Variants in FRMD4A observed in about 807,000 individuals in gnomAD.
FRMD4A encodes FERM domain-containing protein 4A.
A neutral mutation model predicts 129.1 loss-of-function variants in FRMD4A; 29 were observed. That is an observed-to-expected ratio of 0.22 (90% CI 0.17 to 0.31). FRMD4A has a LOEUF of 0.31. FRMD4A is among the 10% of genes least tolerant of loss of function. The pLI is 1.00. For missense variants in FRMD4A, 1,272 were observed against 1,375.8 expected (o/e 0.92, Z 1.19); for synonymous variants, 634 against 571.6 (o/e 1.11, Z -1.56).
chr10:13,708,727 G>C (rs2087723345), intron 12 of FRMD4A, among the ~76,000 whole-genome samples: 1 of 152,214 alleles, frequency 6.6e-6, no homozygotes, highest in Admixed American at 6.5e-5. Flanking sequence ...CAGGTCTCAT[G>C]GTCCTGTCTG....
intron 3 of FRMD4A, among the ~76,000 whole-genome samples, chr10:13,822,555 A>C (rs2093645335): frequency 6.6e-6 from 1 of 152,196 alleles, no homozygotes; most frequent in South Asian, 2.1e-4. Flanking sequence ...TGGCATATGC[A>C]GTTGTTCTAC....
At chr10:14,097,586 T>A (rs978623302) in intron 2 of FRMD4A, among the ~76,000 whole-genome samples, 2 of 152,188 alleles carry the variant, frequency 1.3e-5, no homozygotes, top group Non-Finnish European at 2.9e-5. Flanking sequence ...AACTTTGGAC[T>A]GTTGGATTCC....
intron 2 of FRMD4A, among the ~76,000 whole-genome samples, chr10:14,234,616 G>C (rs1159727561): frequency 6.6e-6 from 1 of 152,190 alleles, no homozygotes; most frequent in African/African-American, 2.4e-5. Context: ...CTGTGACTAT[G>C]GTCTATGGAT....
chr10:13,689,217 G>GGGGGTGGGGGGGT (rs2085430434), intron 15 of FRMD4A, among the ~76,000 whole-genome samples: 1 of 75,614 alleles, frequency 1.3e-5, no homozygotes, highest in Non-Finnish European at 2.8e-5. Flanking sequence ...GGGGGGGGGG[G>GGGGGTGGGGGGGT]GGGAGGGCTA....
intron 3 of FRMD4A, among the ~76,000 whole-genome samples, chr10:13,849,361 A>G (rs765730417): frequency 2.0e-4 from 31 of 152,188 alleles, no homozygotes; most frequent in Non-Finnish European, 3.4e-4. Context: ...GCAGACCACA[A>G]TGAGCCCACC....
At chr10:13,840,802 A>C (rs2093952329) in intron 3 of FRMD4A, among the ~76,000 whole-genome samples, 15 of 148,268 alleles carry the variant, frequency 1.0e-4, no homozygotes, top group Admixed American at 9.5e-4. Flanking sequence ...AAAAAAAAAA[A>C]AAAAAAAAAA....
chr10:13,726,091 A>G (rs1411449127), intron 12 of FRMD4A, among the ~76,000 whole-genome samples: 1 of 152,224 alleles, frequency 6.6e-6, no homozygotes, highest in African/African-American at 2.4e-5. Flanking sequence ...CCTGGGCAAC[A>G]TGGCAAAACC....
chr10:14,141,937 T>TA (rs1349192117), intron 2 of FRMD4A, among the ~76,000 whole-genome samples: 2 of 152,124 alleles, frequency 1.3e-5, no homozygotes. Flanking sequence ...GTCGATAGCC[T>TA]AAAAAATCTC....
At chr10:14,291,255 CAATT>C (rs1444821983) in intron 2 of FRMD4A, among the ~76,000 whole-genome samples, 1 of 152,066 alleles carries the variant, frequency 6.6e-6, no homozygotes, top group Admixed American at 6.5e-5. Context: ...AATGACTTTC[CAATT>C]ATCTTACCAA....
intron 2 of FRMD4A, among the ~76,000 whole-genome samples, chr10:14,029,197 A>T (rs551640720): frequency 2.0e-4 from 31 of 151,592 alleles, no homozygotes; most frequent in Non-Finnish European, 3.4e-4. Flanking sequence ...TCTATGAAAC[A>T]TCTCCTCCAG....
chr10:14,305,138 A>C (rs757520609), intron 2 of FRMD4A, among the ~76,000 whole-genome samples: 13 of 152,210 alleles, frequency 8.5e-5, no homozygotes, highest in Non-Finnish European at 1.6e-4. Flanking sequence ...ACCTATTACC[A>C]GCATGTGTCC....
chr10:13,894,438 C>T (rs529228130), intron 2 of FRMD4A, among the ~76,000 whole-genome samples: 29 of 152,316 alleles, frequency 1.9e-4, no homozygotes, highest in African/African-American at 6.7e-4. Flanking sequence ...GTGTCACCCC[C>T]TACCCTCCAG....
chr10:13,876,286 G>A (rs2094488483), intron 2 of FRMD4A, among the ~76,000 whole-genome samples: 1 of 152,204 alleles, frequency 6.6e-6, no homozygotes, highest in Non-Finnish European at 1.5e-5. Flanking sequence ...TACTTGTGAT[G>A]TTTCCTTGGT....
chr10:13,932,274 G>A (rs2698112), intron 2 of FRMD4A, among the ~76,000 whole-genome samples: 58,405 of 152,052 alleles, frequency 0.38, 12,232 homozygotes, highest in Non-Finnish European at 0.46. Context: ...AGTTGAATGA[G>A]TGCTTTAATG....
chr10:13,703,803 G>A (rs1424395025), intron 13 of FRMD4A, among the ~76,000 whole-genome samples: 1 of 152,142 alleles, frequency 6.6e-6, no homozygotes, highest in African/African-American at 2.4e-5. Context: ...TCAAGAGATT[G>A]AGACCATCCT....
At chr10:14,037,142 T>C (rs191474340) in intron 2 of FRMD4A, among the ~76,000 whole-genome samples, 5 of 152,172 alleles carry the variant, frequency 3.3e-5, no homozygotes, top group Admixed American at 2.0e-4. Context: ...TGATTATATA[T>C]ACACACACAC....
intron 12 of FRMD4A, among the ~76,000 whole-genome samples, chr10:13,715,997 G>A (rs1489335773): frequency 6.6e-6 from 1 of 151,206 alleles, no homozygotes. Flanking sequence ...AAACATAAAA[G>A]TTATGAATAC....
intron 2 of FRMD4A, among the ~76,000 whole-genome samples, chr10:14,225,205 A>G (rs1283751548): frequency 1.3e-5 from 2 of 152,234 alleles, no homozygotes; most frequent in East Asian, 3.8e-4. Context: ...CACTACTAAA[A>G]TCATCATTTT....
chr10:14,303,087 G>A (rs1271239178), intron 2 of FRMD4A, among the ~76,000 whole-genome samples: 1 of 152,214 alleles, frequency 6.6e-6, no homozygotes, highest in Non-Finnish European at 1.5e-5. Context: ...TCAGCTGCAT[G>A]GTAGAACTCC....
Sources: allele counts gnomAD v4.1 joint callset (sites outside exome capture counted in the v4.1 genomes callset), GRCh38; gene constraint gnomAD v4.1.1; transcripts MANE v1.5; gene names NCBI Gene and HGNC (gene_info 2026-07-23, HGNC 2026-07-21).